The following PSD4 variants were observed in gnomAD, a reference collection of about 807,000 sequenced individuals.
The protein encoded by PSD4 is PH and SEC7 domain-containing protein 4.
A neutral mutation model predicts 112.5 loss-of-function variants in PSD4; 59 were observed. The ratio of observed to expected loss-of-function variants is 0.52; its 90% confidence interval spans 0.43 to 0.65. The LOEUF is 0.65. Among genes scored for constraint, PSD4 ranks in the 30% least tolerant of loss-of-function variants. The pLI is 0.00. For synonymous variants in PSD4, 533 were observed against 540.0 expected (o/e 0.99, Z 0.18); for missense variants, 1,267 against 1,352.6 (o/e 0.94, Z 0.99).
At position 113,182,374 on chromosome 2, in the gene PSD4, C is replaced by T. The variant is rs45544937; in HGVS notation, c.-83C>T. 3.9e-5 allele frequency: 51 copies of T among 1,305,016 alleles called. No individual in the cohort carries two copies. Among genetic ancestry groups the T allele is most frequent in the South Asian group, 3.7e-4 (26 of 70,162 alleles). The allele number at this position is 1,305,016 out of a possible 1,614,324, so 80.8% of individuals were successfully genotyped here. ...AGATATGGATTCCCAGTTTCTCCAG[C>T]GGCCAGTGCTCCCCCTAGTCCACAC... On this transcript the variant is annotated 5_prime_UTR_variant, in exon 2 of 17. Coordinates refer to ENST00000245796, the MANE Select transcript of PSD4 (RefSeq NM_012455.3).
chr2:113,182,063 C>T (rs1688150537), intron 1 of PSD4, among the ~76,000 whole-genome samples: 1 of 152,228 alleles, frequency 6.6e-6, no homozygotes, highest in South Asian at 2.1e-4. Context: ...AGAGAAGGAT[C>T]TGATTTGGCC....
chr2:113,181,656 A>C (rs1386107791), intron 1 of PSD4, among the ~76,000 whole-genome samples: 1 of 152,202 alleles, frequency 6.6e-6, no homozygotes, highest in Non-Finnish European at 1.5e-5. Flanking sequence ...GGTGGTAGGC[A>C]GCAGGGCTGA....
chr2:113,184,941 T>C lies in PSD4; in HGVS notation c.1057-16T>C. ...CTCCTCTCCTTCTCTCCTCTGTCTCTCTCTCGACTTCTCAGGGAGATAGGC... is the reference window on the plus strand; with the variant it reads ...CTCCTCTCCTTCTCTCCTCTGTCTCCCTCTCGACTTCTCAGGGAGATAGGC... On this transcript the variant is annotated splice_polypyrimidine_tract_variant and intron_variant, in intron 2 of 16. Transcript: ENST00000245796. 1 of 1,613,808 alleles carries C rather than the reference T, an allele frequency of 6.2e-7. No homozygotes were observed. Among genetic ancestry groups the C allele is most frequent in the Non-Finnish European group, 8.5e-7 (1 of 1,179,960 alleles).
intron 5 of PSD4, among the ~76,000 whole-genome samples, chr2:113,191,512 T>C (rs1461606161): frequency 6.6e-6 from 1 of 152,232 alleles, no homozygotes; most frequent in African/African-American, 2.4e-5. Context: ...CCTCAAGTGA[T>C]CCACTTGCCT....
At chr2:113,194,434 C>T (rs1688540970) in intron 10 of PSD4, among the ~76,000 whole-genome samples, 1 of 152,236 alleles carries the variant, frequency 6.6e-6, no homozygotes, top group African/African-American at 2.4e-5. Context: ...AAGTGCTCAG[C>T]ACGGTGCTTG....
At chr2:113,199,592 A>G (rs1688719405) in intron 16 of PSD4, among the ~76,000 whole-genome samples, 1 of 140,276 alleles carries the variant, frequency 7.1e-6, no homozygotes, top group African/African-American at 3.0e-5. Flanking sequence ...TTTCAGCTCA[A>G]CTGTTCCTTC....
At chr2:113,199,628 A>G (rs933418062) in intron 16 of PSD4, among the ~76,000 whole-genome samples, 5 of 152,228 alleles carry the variant, frequency 3.3e-5, no homozygotes, top group African/African-American at 9.6e-5. Context: ...ATTAATAGGT[A>G]GTATGGATGG....
intron 2 of PSD4, 71 bp downstream of exon 2, chr2:113,183,583 AC>A: frequency 1.5e-6 from 2 of 1,368,408 alleles, no homozygotes; most frequent in Non-Finnish European, 2.0e-6. Flanking sequence ...CTCGGGGGTC[AC>A]CAGGCCCAGA....
chr2:113,193,700 T>A (rs1294772880), intron 9 of PSD4, 50 bp downstream of exon 9: 2 of 1,586,820 alleles, frequency 1.3e-6, no homozygotes, highest in African/African-American at 2.7e-5. Context: ...TAACAAGGGG[T>A]GCGGGGAGGA....
chr2:113,193,414 G>A (rs756348655), intron 8 of PSD4, 44 bp downstream of exon 8: 2 of 1,584,230 alleles, frequency 1.3e-6, no homozygotes, highest in Admixed American at 1.7e-5. Context: ...GAAACTTTGG[G>A]GTGCCCATGT....
chr2:113,199,003 CA>C, intron 15 of PSD4, 79 bp from the exon 16 acceptor site: 8 of 1,514,438 alleles, frequency 5.3e-6, no homozygotes, highest in African/African-American at 1.4e-5. Flanking sequence ...CCGAGGCGGC[CA>C]GGGGGGCGGC....
intron 5 of PSD4, among the ~76,000 whole-genome samples, chr2:113,187,565 G>A (rs1016929668): frequency 6.6e-6 from 1 of 152,148 alleles, no homozygotes; most frequent in Non-Finnish European, 1.5e-5. Flanking sequence ...ACAGGTCCGG[G>A]TGACCCCCAG....
At position 113,196,326 on chromosome 2, in the gene PSD4, C is replaced by A; in HGVS notation, c.2386+19C>A. 1 of 1,605,074 alleles carries A rather than the reference C, an allele frequency of 6.2e-7. No homozygotes were observed. The highest frequency in any genetic ancestry group is 2.2e-5 in the East Asian group (1 of 44,476). On this transcript the variant is annotated intron_variant, in intron 12 of 16. Coordinates refer to ENST00000245796, the MANE Select transcript of PSD4 (RefSeq NM_012455.3). ...AAGAAGAGTGAGTGTCTGCTGCCCACAAACAGGGTGGCGTGCTGGGAGCAG... is the reference window on the plus strand; with the variant it reads ...AAGAAGAGTGAGTGTCTGCTGCCCAAAAACAGGGTGGCGTGCTGGGAGCAG...
Position 113,207,465 on chromosome 2 carries a change from T to TTTC in PSD4, c.*6052_*6053insCTT, listed in dbSNP as rs1250928959. On this transcript the variant is annotated 3_prime_UTR_variant, in exon 17 of 17. Transcript: ENST00000245796. Reference sequence around the variant, plus strand: ...TCCTCTCTCCTCTTCTTTTTTTTTTTTTTTTTTTTGAGATGGAGTCTTGCT... The same window carrying TTTC: ...TCCTCTCTCCTCTTCTTTTTTTTTTTTTCTTTTTTTTTGAGATGGAGTCTTGCT... The TTTC allele has an allele frequency of 7.0e-6, 1 of 142,296 alleles. No individual in the cohort carries two copies. The highest frequency in any genetic ancestry group is 1.5e-5 in the Non-Finnish European group (1 of 65,418). The allele number at this position is 142,296 out of a possible 1,614,324, so 8.8% of individuals were successfully genotyped here.
intron 4 of PSD4, 99 bp downstream of exon 4, chr2:113,185,539 TG>T (rs1340747591): frequency 3.1e-6 from 5 of 1,600,266 alleles, no homozygotes; most frequent in Non-Finnish European, 3.4e-6. Context: ...TTGCCATTAA[TG>T]GGTCCCATTA....
rs201862387 is a variant in PSD4, at chr2:113,193,034, T to A, written c.1839-14T>A. On this transcript the variant is annotated splice_polypyrimidine_tract_variant and intron_variant, in intron 6 of 16. Transcript: ENST00000245796. ...GCCCCTGGTGCAGACTCCATGCCCCTTTTCCCTCTGCAGCAATGACTTTAG... is the reference window on the plus strand; with the variant it reads ...GCCCCTGGTGCAGACTCCATGCCCCATTTCCCTCTGCAGCAATGACTTTAG... 1.7e-4 allele frequency: 268 copies of A among 1,611,606 alleles called. No homozygotes were observed. Among genetic ancestry groups the A allele is most frequent in the Non-Finnish European group, 2.2e-4 (256 of 1,178,076 alleles).
intron 2 of PSD4, among the ~76,000 whole-genome samples, chr2:113,184,377 CT>C (rs10610865): frequency 0.24 from 30,483 of 125,244 alleles, 3,864 homozygotes; most frequent in East Asian, 0.49. Flanking sequence ...TCAGGACTTT[CT>C]TTTTTTTTTT....
chr2:113,193,163 G>A, intron 7 of PSD4, 35 bp downstream of exon 7: 1 of 1,609,182 alleles, frequency 6.2e-7, no homozygotes, highest in Non-Finnish European at 8.5e-7. Context: ...GGAGGCTGTG[G>A]AGGATGGCAT....
Position 113,177,320 on chromosome 2 carries a change from A to G in PSD4, c.-112+3266A>G, listed in dbSNP as rs549536368. Among the ~76,000 whole-genome samples, 17 of 152,268 alleles carry G rather than the reference A, an allele frequency of 1.1e-4. 1 individual carries two copies. The South Asian group carries it at 3.5e-3, about 32-fold the overall frequency. On this transcript the variant is annotated intron_variant, in intron 1 of 16. Coordinates refer to ENST00000245796, the MANE Select transcript of PSD4 (RefSeq NM_012455.3). ...CTTCTGGCCTGGTTGTTGTGGAGGG[A>G]GAGTTCTGAGGATCCATCCCATCAG...
Sources: allele counts gnomAD v4.1 joint callset (sites outside exome capture counted in the v4.1 genomes callset), GRCh38; gene constraint gnomAD v4.1.1; transcripts MANE v1.5; gene names NCBI Gene and HGNC (gene_info 2026-07-23, HGNC 2026-07-21).